The following CTNND2 variants were observed in gnomAD, a reference collection of about 807,000 sequenced individuals.
CTNND2 encodes catenin delta 2.
A neutral mutation model predicts 144.4 loss-of-function variants in CTNND2; 22 were observed. That is an observed-to-expected ratio of 0.15 (90% CI 0.11 to 0.22). CTNND2 has a LOEUF of 0.22. Ranked by LOEUF, CTNND2 falls within the 10% of genes least tolerant of loss-of-function variation. The pLI is 1.00. For missense variants in CTNND2, 1,353 were observed against 1,618.8 expected (o/e 0.84, Z 2.82); for synonymous variants, 751 against 695.6 (o/e 1.08, Z -1.25).
rs1777555465 is a variant in CTNND2 at position 11,571,585 on chromosome 5, G to A, written c.175-6529C>T. 2.6e-5 allele frequency among the ~76,000 whole-genome samples: 4 copies of A among 152,190 alleles called. No individual in the cohort carries two copies. The South Asian group carries it at 8.3e-4, about 32-fold the overall frequency. On this transcript the variant is annotated intron_variant, in intron 2 of 21. Transcript: ENST00000304623. ...TCTAGTTTTTGGCATGGTGGGGTAG[G>A]GGATTTGGAGATCTAGCTGATATCT...
At chr5:11,389,961 G>A (rs377456324) in intron 6 of CTNND2, among the ~76,000 whole-genome samples, 11 of 152,110 alleles carry the variant, frequency 7.2e-5, no homozygotes, top group Admixed American at 5.2e-4. Context: ...TCTTTAGACT[G>A]GGGGGGAGTC....
intron 16 of CTNND2, among the ~76,000 whole-genome samples, chr5:11,079,254 C>T (rs914000588): frequency 3.3e-5 from 5 of 152,192 alleles, no homozygotes; most frequent in Admixed American, 1.3e-4. Flanking sequence ...CTCCCAGTTC[C>T]CAAGATCACC....
At chr5:11,831,667 A>C (rs951763587) in intron 1 of CTNND2, among the ~76,000 whole-genome samples, 2 of 112,220 alleles carry the variant, frequency 1.8e-5, no homozygotes, top group Non-Finnish European at 3.3e-5. Context: ...ACTCTGTATC[A>C]AAAAAAAAAA....
intron 18 of CTNND2, among the ~76,000 whole-genome samples, chr5:11,006,145 A>G (rs531388300): frequency 6.6e-6 from 1 of 152,332 alleles, no homozygotes; most frequent in South Asian, 2.1e-4. Flanking sequence ...GAAGACCAGG[A>G]CCAGGGTATT....
chr5:11,667,264 T>C (rs191991482), intron 2 of CTNND2, among the ~76,000 whole-genome samples: 1 of 152,282 alleles, frequency 6.6e-6, no homozygotes, highest in African/African-American at 2.4e-5. Context: ...TGATTTATAA[T>C]CCTTTGGGTA....
chr5:11,468,933 G>A (rs1257018830), intron 3 of CTNND2, among the ~76,000 whole-genome samples: 1 of 152,096 alleles, frequency 6.6e-6, no homozygotes, highest in Non-Finnish European at 1.5e-5. Flanking sequence ...GGCCCTAAGG[G>A]TTTCTACATA....
At chr5:11,195,051 A>G (rs1736716514) in intron 11 of CTNND2, among the ~76,000 whole-genome samples, 1 of 152,208 alleles carries the variant, frequency 6.6e-6, no homozygotes, top group Admixed American at 6.5e-5. Flanking sequence ...AATCTGACTA[A>G]TTTCAGAAAG....
chr5:11,692,485 G>A (rs1784952961), intron 2 of CTNND2, among the ~76,000 whole-genome samples: 1 of 152,210 alleles, frequency 6.6e-6, no homozygotes, highest in Non-Finnish European at 1.5e-5. Context: ...AACAAAGCTT[G>A]GCAAGAGGAT....
intron 15 of CTNND2, among the ~76,000 whole-genome samples, chr5:11,096,255 T>G (rs991872165): frequency 6.6e-6 from 1 of 152,188 alleles, no homozygotes; most frequent in Non-Finnish European, 1.5e-5. Context: ...CCATGGTGGT[T>G]TGCTGCACCC....
chr5:11,570,436 T>A (rs1431060455), intron 2 of CTNND2, among the ~76,000 whole-genome samples: 1 of 152,208 alleles, frequency 6.6e-6, no homozygotes, highest in Non-Finnish European at 1.5e-5. Flanking sequence ...AGAGGTATTA[T>A]GTTCTGACAC....
At position 11,159,719 on chromosome 5, in the gene CTNND2, C is replaced by G; in HGVS notation, c.2016G>C (p.Met672Ile). The change falls in exon 12 of 22, where the codon ATG (methionine) becomes ATC (isoleucine). Residue 672 changes from methionine (M) to isoleucine (I), a missense_variant. Transcript: ENST00000304623. ...CTGCTAGGGCATCCTGGATGATTGGCATTTTGAGTGCATCGCATGAGGAGA... is the reference window on the plus strand; with the variant it reads ...CTGCTAGGGCATCCTGGATGATTGGGATTTTGAGTGCATCGCATGAGGAGA... The part of the protein sequence containing the change: ...WNLSSCDALK[M>I]PIIQDALAVL... 1.2e-6 allele frequency: 2 copies of G among 1,607,070 alleles called. No homozygotes were observed. Among genetic ancestry groups the G allele is most frequent in the Admixed American group, 1.7e-5 (1 of 58,976 alleles).
intron 16 of CTNND2, among the ~76,000 whole-genome samples, chr5:11,032,216 G>T (rs535670567): frequency 6.6e-6 from 1 of 152,280 alleles, no homozygotes; most frequent in South Asian, 2.1e-4. Context: ...AATAATTGAT[G>T]ATATAAAAGT....
At chr5:11,550,575 T>C (rs1775666354) in intron 3 of CTNND2, among the ~76,000 whole-genome samples, 1 of 152,210 alleles carries the variant, frequency 6.6e-6, no homozygotes, top group Non-Finnish European at 1.5e-5. Context: ...AAAGGAATAA[T>C]GTGTGACAAT....
intron 3 of CTNND2, among the ~76,000 whole-genome samples, chr5:11,520,618 G>C (rs189085153): frequency 6.6e-6 from 1 of 152,302 alleles, no homozygotes; most frequent in East Asian, 1.9e-4. Context: ...GACACGCCCA[G>C]CCCTCATCTC....
intron 5 of CTNND2, among the ~76,000 whole-genome samples, chr5:11,411,162 G>A (rs541713401): frequency 6.6e-4 from 100 of 152,096 alleles, no homozygotes; most frequent in African/African-American, 2.3e-3. Flanking sequence ...GTAAACCACC[G>A]CGCCCGGCCA....
intron 9 of CTNND2, among the ~76,000 whole-genome samples, chr5:11,238,311 G>C (rs1262380764): frequency 2.0e-5 from 3 of 152,062 alleles, no homozygotes; most frequent in Admixed American, 6.5e-5. Flanking sequence ...CAAAGAACAG[G>C]CTGGAAGAGA....
chr5:11,607,194 C>A (rs1290621280), intron 2 of CTNND2, among the ~76,000 whole-genome samples: 1 of 152,154 alleles, frequency 6.6e-6, no homozygotes, highest in Admixed American at 6.5e-5. Flanking sequence ...TCTGATGGCA[C>A]CTTGATCTTG....
intron 1 of CTNND2, among the ~76,000 whole-genome samples, chr5:11,744,355 C>G (rs972882179): frequency 6.6e-6 from 1 of 152,182 alleles, no homozygotes; most frequent in Non-Finnish European, 1.5e-5. Flanking sequence ...AAGGAAGATG[C>G]GCGACGGCCA....
At chr5:11,550,478 T>G (rs981263648) in intron 3 of CTNND2, among the ~76,000 whole-genome samples, 1 of 152,214 alleles carries the variant, frequency 6.6e-6, no homozygotes, top group African/African-American at 2.4e-5. Context: ...TTGTTAAATT[T>G]CGAGGAAAGT....
Sources: gnomAD v4.1 joint callset for allele counts (sites outside exome capture counted in the v4.1 genomes callset) on GRCh38, gnomAD v4.1.1 for gene constraint, MANE v1.5 for transcripts, NCBI Gene and HGNC (gene_info 2026-07-23, HGNC 2026-07-21) for gene names.